Variants in CALCOCO2 observed in about 807,000 individuals in gnomAD.
CALCOCO2 encodes the protein calcium-binding and coiled-coil domain-containing protein 2.
CALCOCO2 carries 42 observed loss-of-function variants against 62.5 expected under a neutral mutation model. The ratio of observed to expected loss-of-function variants is 0.67; its 90% CI spans 0.53 to 0.87. The LOEUF (loss-of-function observed/expected upper bound fraction) is 0.87. Among genes scored for constraint, CALCOCO2 ranks in the 40% least tolerant of loss-of-function variants. The probability of loss-of-function intolerance (pLI) is 0.00; values close to 1 mark genes in which losing one functional copy is unlikely to be tolerated. For missense variants in CALCOCO2, 456 were observed against 515.0 expected (o/e 0.89, Z 1.11); for synonymous variants, 167 against 173.0 (o/e 0.97, Z 0.27).
Position 48,864,137 on chromosome 17 carries a change from C to G in CALCOCO2, c.*1132C>G, listed in dbSNP as rs2143693812. 6.9e-6 allele frequency: 1 copy of G among 145,884 alleles called. No individual in the cohort carries two copies. The highest frequency in any genetic ancestry group is 2.5e-5 in the African/African-American group (1 of 39,748). The allele number at this position is 145,884 out of a possible 1,614,324, so 9.0% of individuals were successfully genotyped here. ...CTGGCGTGCAATGGCGCAGTTGACT[C>G]ACTACAGCCTCTGCCTCCCAGGTTC... On this transcript the variant is annotated 3_prime_UTR_variant, in exon 13 of 13. Coordinates refer to ENST00000258947, the MANE Select transcript of CALCOCO2 (RefSeq NM_005831.5).
At chr17:48,831,564 C>T (rs2143550083) in intron 1 of CALCOCO2, 1 of 152,236 alleles carries the variant, frequency 6.6e-6, no homozygotes, top group East Asian at 1.9e-4. Flanking sequence ...TAGGTTTGAT[C>T]CCTGAAGCGC....
At chr17:48,841,953 G>T in intron 2 of CALCOCO2, 66 bp downstream of exon 2, 1 of 1,145,598 alleles carries the variant, frequency 8.7e-7, no homozygotes, top group South Asian at 1.5e-5. Flanking sequence ...CTAACTGTGT[G>T]ACTCTCTGTG....
At chr17:48,832,964 A>G (rs1378949071) in intron 1 of CALCOCO2, among the ~76,000 whole-genome samples, 1 of 152,230 alleles carries the variant, frequency 6.6e-6, no homozygotes, top group Non-Finnish European at 1.5e-5. Flanking sequence ...GAGTAGTAAT[A>G]AAGGCCTCCT....
In CALCOCO2 at chr17:48,852,229, G is replaced by C; in HGVS notation, c.703-277G>C. ...TAGTTTACCATGAGCTCTTAATATAGATGACAATCATCTATATCAATAATC... is the reference window on the plus strand; with the variant it reads ...TAGTTTACCATGAGCTCTTAATATACATGACAATCATCTATATCAATAATC... On this transcript the variant is annotated intron_variant, in intron 7 of 12. Coordinates refer to ENST00000258947, the MANE Select transcript of CALCOCO2 (RefSeq NM_005831.5). The C allele has an allele frequency of 3.0e-5, 9 of 299,738 alleles. No individual in the cohort carries two copies. In the South Asian group the frequency reaches 4.5e-4, roughly 15 times the overall value. 18.6% of individuals were successfully genotyped at this position (299,738 alleles called of 1,614,324 possible). A position where few individuals can be genotyped will look rare whatever the true frequency, so the allele number is the denominator to read the frequency against.
chr17:48,858,699 G>T (rs563103773), intron 10 of CALCOCO2, among the ~76,000 whole-genome samples: 1 of 151,958 alleles, frequency 6.6e-6, no homozygotes, highest in Admixed American at 6.6e-5. Flanking sequence ...TGATTGTGGG[G>T]GGGGGCAGGT....
chr17:48,858,477 G>A lies in CALCOCO2; in HGVS notation c.1009-1837G>A, dbSNP rs142689239. ...CCTGAGTAGCTAGGATTGCAGGTGCGCACCACCACACCCAGCTAATTTTTG... is the reference window on the plus strand; with the variant it reads ...CCTGAGTAGCTAGGATTGCAGGTGCACACCACCACACCCAGCTAATTTTTG... On this transcript the variant is annotated intron_variant, in intron 10 of 12. Transcript: ENST00000258947. 4.1e-3 allele frequency among the ~76,000 whole-genome samples: 628 copies of A among 151,926 alleles called. 3 individuals are homozygous for A. The highest frequency in any genetic ancestry group is 0.014 in the African/African-American group (560 of 41,444).
intron 2 of CALCOCO2, chr17:48,846,583 C>A: frequency 1.4e-6 from 1 of 726,960 alleles, no homozygotes; most frequent in South Asian, 1.5e-5. Flanking sequence ...ATATTTTGGT[C>A]ACAGTGCATT....
At chr17:48,849,519 T>C (rs2040098156) in intron 5 of CALCOCO2, 142 bp downstream of exon 5, 2 of 745,340 alleles carry the variant, frequency 2.7e-6, no homozygotes, top group Non-Finnish European at 4.4e-6. Context: ...TTTGTTTGTT[T>C]GTTTGAAATG....
intron 10 of CALCOCO2, among the ~76,000 whole-genome samples, chr17:48,858,260 G>C (rs2040273685): frequency 6.6e-6 from 1 of 151,908 alleles, no homozygotes; most frequent in African/African-American, 2.4e-5. Context: ...CATAATTGCA[G>C]AAGGCTTTTT....
chr17:48,858,192 A>T (rs1183685525), intron 10 of CALCOCO2, among the ~76,000 whole-genome samples: 2 of 151,802 alleles, frequency 1.3e-5, no homozygotes, highest in Non-Finnish European at 2.9e-5. Flanking sequence ...ATACCTACTA[A>T]AACATTAATT....
chr17:48,856,639 GCATT>G (rs72437948), intron 10 of CALCOCO2: 174,367 of 444,684 alleles, frequency 0.39, 37,186 homozygotes, highest in Non-Finnish European at 0.49. Flanking sequence ...TAAATGCTGT[GCATT>G]CATTCATTCA....
rs1268881638 is a variant in CALCOCO2 at position 48,852,571 on chromosome 17, G to A, written c.768G>A (p.Glu256=). 6.2e-7 allele frequency: 1 copy of A among 1,612,598 alleles called. No individual in the cohort carries two copies. The highest frequency in any genetic ancestry group is 8.5e-7 in the Non-Finnish European group (1 of 1,178,658). ...KLVQGDQDKT[E]QLEQLKKEND... is the part of the protein sequence containing the mutation. ...TTCAGGGAGATCAAGATAAGACAGA[G>A]CAGTTAGAGCAGCTGAAAAAGGAAA... is the stretch of plus-strand genomic sequence containing the variant. The change falls in exon 8 of 13, where the codon GAG becomes GAA. Residue 256 remains glutamate, a synonymous_variant. Coordinates refer to ENST00000258947, the MANE Select transcript of CALCOCO2 (RefSeq NM_005831.5).
At chr17:48,859,405 C>T (rs2040293446) in intron 10 of CALCOCO2, among the ~76,000 whole-genome samples, 1 of 152,072 alleles carries the variant, frequency 6.6e-6, no homozygotes, top group African/African-American at 2.4e-5. Context: ...TTGAAACCAG[C>T]CTGGGCAACA....
rs773271340 is a variant in CALCOCO2, at chr17:48,849,307, A to G, written c.473A>G (p.Glu158Gly). 4.3e-6 allele frequency: 7 copies of G among 1,613,664 alleles called. No homozygotes were observed. The highest frequency in any genetic ancestry group is 5.9e-6 in the Non-Finnish European group (7 of 1,179,630). ...AAGGAGCTTTGCAAAGAAAACCAGGAGCTGAAGGACAGCTGTATCAGCCTC... is the reference window on the plus strand; with the variant it reads ...AAGGAGCTTTGCAAAGAAAACCAGGGGCTGAAGGACAGCTGTATCAGCCTC... ...HNKELCKENQ[E>G]LKDSCISLQK... is the part of the protein sequence containing the mutation. The change falls in exon 5 of 13, where the codon GAG becomes GGG. Residue 158 changes from glutamate (E) to glycine (G), a missense_variant. Transcript: ENST00000258947.
Position 48,849,328 on chromosome 17 carries a change from G to C in CALCOCO2, c.494G>C (p.Ser165Thr). 1.2e-6 allele frequency: 2 copies of C among 1,613,722 alleles called. No homozygotes were observed. The highest frequency in any genetic ancestry group is 1.7e-6 in the Non-Finnish European group (2 of 1,179,736). ...ENQELKDSCI[S>T]LQKQNSDMQA... ...CAGGAGCTGAAGGACAGCTGTATCA[G>C]CCTCCAGAAGCAGAACTCAGACATG... Residue 165 changes from serine to threonine, a missense_variant, in exon 5 of 13, where the codon AGC becomes ACC. By Grantham distance (58) the Ser-to-Thr change is moderately conservative (BLOSUM62 1). Transcript: ENST00000258947.
At chr17:48,860,271 T>G (rs2040308731) in intron 10 of CALCOCO2, 43 bp from the exon 11 acceptor site, 1 of 1,583,234 alleles carries the variant, frequency 6.3e-7, no homozygotes, top group South Asian at 1.1e-5. Context: ...GTGGCCATTC[T>G]TGGTATTGTC....
chr17:48,832,883 T>C (rs1172338560), intron 1 of CALCOCO2, among the ~76,000 whole-genome samples: 1 of 152,164 alleles, frequency 6.6e-6, no homozygotes, highest in Non-Finnish European at 1.5e-5. Context: ...GCGCCAGCAC[T>C]ATGGTGGTGT....
At chr17:48,854,188 C>T (rs1301480588) in intron 9 of CALCOCO2, among the ~76,000 whole-genome samples, 8 of 148,430 alleles carry the variant, frequency 5.4e-5, no homozygotes, top group Non-Finnish European at 8.9e-5. Flanking sequence ...TGGTGGTGGG[C>T]GCCTGTAATC....
intron 4 of CALCOCO2, 175 bp downstream of exon 4, chr17:48,848,630 C>T (rs2040085353): frequency 1.5e-6 from 1 of 662,046 alleles, no homozygotes; most frequent in South Asian, 1.8e-5. Flanking sequence ...TAACAAGACT[C>T]ATAACAATAA....
Sources: allele counts gnomAD v4.1 joint callset (sites outside exome capture counted in the v4.1 genomes callset), GRCh38; gene constraint gnomAD v4.1.1; transcripts MANE v1.5; gene names NCBI Gene and HGNC (gene_info 2026-07-23, HGNC 2026-07-21).